DTD1: variants seen among roughly 807,000 people sequenced by gnomAD.
DTD1 encodes D-tyrosyl-tRNA deacylase 1 homolog.
In DTD1, 13 loss-of-function variants were observed where a neutral mutation model predicts 25.6. The observed-to-expected ratio is 0.51, with a 90% CI of 0.33 to 0.81. The LOEUF (loss-of-function observed/expected upper bound fraction) is 0.81, where lower values mean the gene tolerates loss of function less well. Among genes scored for constraint, DTD1 ranks in the 30% least tolerant of loss-of-function variants. The pLI, the probability that DTD1 is intolerant of heterozygous loss-of-function variation, is 0.02. For synonymous variants in DTD1, 110 were observed against 103.6 expected, an observed-to-expected ratio of 1.06 and a Z score of -0.37; for missense variants, 193 against 266.4, an observed-to-expected ratio of 0.72 and a Z score of 1.92.
At chr20:18,752,003 CCT>C (rs771529624) in intron 5 of DTD1, among the ~76,000 whole-genome samples, 5 of 151,206 alleles carry the variant, frequency 3.3e-5, no homozygotes, top group Admixed American at 6.6e-5. Flanking sequence ...AATTTTTATT[CCT>C]CTCTCTCCTT....
At chr20:18,761,936 T>C (rs2061364667) in intron 5 of DTD1, among the ~76,000 whole-genome samples, 1 of 152,240 alleles carries the variant, frequency 6.6e-6, no homozygotes, top group Non-Finnish European at 1.5e-5. Flanking sequence ...CCACTGGTTG[T>C]CTTTTAGAAA....
At chr20:18,718,950 C>A (rs2061192433) in intron 4 of DTD1, among the ~76,000 whole-genome samples, 1 of 152,210 alleles carries the variant, frequency 6.6e-6, no homozygotes, top group Non-Finnish European at 1.5e-5. Context: ...GAGCTACAAA[C>A]CTTTGTCCTT....
At chr20:18,681,162 G>A (rs2060995327) in intron 4 of DTD1, among the ~76,000 whole-genome samples, 1 of 152,166 alleles carries the variant, frequency 6.6e-6, no homozygotes, top group Non-Finnish European at 1.5e-5. Context: ...AGGTGGTCCT[G>A]AGTACTGAGC....
intron 4 of DTD1, among the ~76,000 whole-genome samples, chr20:18,633,315 G>A (rs78492939): frequency 0.025 from 3,823 of 152,072 alleles, 78 homozygotes; most frequent in South Asian, 0.04. Flanking sequence ...TTCCTACCTC[G>A]GAGCTCTTGT....
At chr20:18,632,407 C>T (rs775791942) in intron 4 of DTD1, 156 of 985,320 alleles carry the variant, frequency 1.6e-4, no homozygotes, top group Non-Finnish European at 1.9e-4. Context: ...GGTGGGTAGG[C>T]GCAGAAGCGG....
intron 4 of DTD1, among the ~76,000 whole-genome samples, chr20:18,678,499 G>A (rs1020386657): frequency 6.6e-6 from 1 of 152,132 alleles, no homozygotes; most frequent in Admixed American, 6.5e-5. Flanking sequence ...CTGGAAACTC[G>A]TAATATAATA....
Position 18,741,009 on chromosome 20 carries a change from T to G in DTD1, c.478-3091T>G, listed in dbSNP as rs539159414. 4.6e-5 allele frequency among the ~76,000 whole-genome samples: 7 copies of G among 152,350 alleles called. No individual in the cohort carries two copies. The South Asian group carries it at 1.4e-3, about 32-fold the overall frequency. On this transcript the variant is annotated intron_variant, in intron 4 of 5. Transcript: ENST00000377452. ...AGCTCTGTGTGGCCATTTCTCAGAT[T>G]TTAAAAATGCTAGCTTTTTGTCATC... is the stretch of plus-strand genomic sequence containing the variant.
At chr20:18,695,506 CTTCCCTTCCCTTCCT>C (rs1278142226) in intron 4 of DTD1, among the ~76,000 whole-genome samples, 3 of 5,064 alleles carry the variant, frequency 5.9e-4, no homozygotes, top group African/African-American at 1.7e-3. Context: ...TTTCCCTTCC[CTTCCCTTCCCTTCCT>C]TTCCCTTCCC....
chr20:18,672,783 C>A (rs1600356817), intron 4 of DTD1, among the ~76,000 whole-genome samples: 1 of 152,256 alleles, frequency 6.6e-6, no homozygotes, highest in African/African-American at 2.4e-5. Context: ...AGTGGTCCTG[C>A]TGAATTCAGT....
chr20:18,667,733 G>A lies in DTD1; in HGVS notation c.477+39500G>A, dbSNP rs138117475. Among the ~76,000 whole-genome samples, 527 of 152,212 alleles carry A rather than the reference G, an allele frequency of 3.5e-3. 1 individual carries two copies. The highest frequency in any genetic ancestry group is 0.012 in the African/African-American group (485 of 41,538). On this transcript the variant is annotated intron_variant, in intron 4 of 5. Transcript: ENST00000377452. ...GTGTTAATGAGTCCAGTCACTTGCCGCTTCTTACCTAAATCTGTTTGCCAG... is the reference window on the plus strand; with the variant it reads ...GTGTTAATGAGTCCAGTCACTTGCCACTTCTTACCTAAATCTGTTTGCCAG...
intron 4 of DTD1, among the ~76,000 whole-genome samples, chr20:18,629,649 G>A (rs1209621013): frequency 6.6e-6 from 1 of 150,792 alleles, no homozygotes; most frequent in Non-Finnish European, 1.5e-5. Flanking sequence ...TTTTGTTTCT[G>A]TATTAGTTTA....
intron 4 of DTD1, among the ~76,000 whole-genome samples, chr20:18,724,640 A>G (rs1030420532): frequency 7.9e-5 from 12 of 152,368 alleles, no homozygotes; most frequent in Admixed American, 2.6e-4. Context: ...TAGTTTATGT[A>G]TCAAGTTTGT....
At chr20:18,711,930 C>G (rs6081319) in intron 4 of DTD1, among the ~76,000 whole-genome samples, 313 of 127,714 alleles carry the variant, frequency 2.5e-3, no homozygotes, top group Middle Eastern at 3.8e-3. Flanking sequence ...TGCCGGGGGT[C>G]GGGGGGCACG....
intron 3 of DTD1, among the ~76,000 whole-genome samples, chr20:18,612,425 C>G (rs964676813): frequency 2.6e-5 from 4 of 152,030 alleles, no homozygotes; most frequent in Admixed American, 1.3e-4. Flanking sequence ...AAAGCAAACA[C>G]TCTTTCATTC....
intron 4 of DTD1, among the ~76,000 whole-genome samples, chr20:18,678,508 T>A (rs2122405991): frequency 6.6e-6 from 1 of 152,330 alleles, no homozygotes; most frequent in African/African-American, 2.4e-5. Flanking sequence ...CGTAATATAA[T>A]ATTTTGAAAC....
At chr20:18,751,068 T>A (rs2122530142) in intron 5 of DTD1, among the ~76,000 whole-genome samples, 1 of 151,752 alleles carries the variant, frequency 6.6e-6, no homozygotes, top group African/African-American at 2.4e-5. Flanking sequence ...AGCAGCCGTG[T>A]GTGTGTGTGT....
chr20:18,610,196 A>C (rs765763174), intron 3 of DTD1, among the ~76,000 whole-genome samples: 1 of 152,246 alleles, frequency 6.6e-6, no homozygotes, highest in Admixed American at 6.5e-5. Context: ...AACTGCTTTC[A>C]GTCTGCGTTT....
rs142938638 is a variant in DTD1 at position 18,651,089 on chromosome 20, G to A, written c.477+22856G>A. ...ATATAATAAAGGATACCATTTCAGA[G>A]CAGTGGCAAGAGGTGGATTTTCAAA... is the stretch of plus-strand genomic sequence containing the variant. On this transcript the variant is annotated intron_variant, in intron 4 of 5. Coordinates refer to ENST00000377452, the MANE Select transcript of DTD1 (RefSeq NM_080820.6). Among the ~76,000 whole-genome samples, 497 of 152,326 alleles carry A rather than the reference G, an allele frequency of 3.3e-3. 3 individuals carry two copies. The highest frequency in any genetic ancestry group is 0.011 in the African/African-American group (478 of 41,572).
At chr20:18,661,453 G>C (rs534388298) in intron 4 of DTD1, among the ~76,000 whole-genome samples, 10 of 144,930 alleles carry the variant, frequency 6.9e-5, no homozygotes, top group Admixed American at 6.5e-4. Flanking sequence ...CTCACTGCAA[G>C]CTCTGCCTCC....
Sources: allele counts gnomAD v4.1 joint callset (sites outside exome capture counted in the v4.1 genomes callset), GRCh38; gene constraint gnomAD v4.1.1; transcripts MANE v1.5; gene names NCBI Gene and HGNC (gene_info 2026-07-23, HGNC 2026-07-21).